Variants in ZFPM1 observed in about 807,000 individuals in gnomAD.
ZFPM1 encodes zinc finger protein ZFPM1.
Under a neutral mutation model 46.3 loss-of-function variants are expected in ZFPM1, and 28 were observed. That is an observed-to-expected ratio of 0.60 (90% confidence interval 0.45 to 0.83). The LOEUF (loss-of-function observed/expected upper bound fraction) is 0.83. Ranked by LOEUF, ZFPM1 falls within the 40% of genes least tolerant of loss-of-function variation. The pLI is 0.00. For synonymous variants in ZFPM1, 957 were observed against 675.9 expected (o/e 1.42, Z -6.45); for missense variants, 1,878 against 1,432.4 (o/e 1.31, Z -5.02).
intron 5 of ZFPM1, among the ~76,000 whole-genome samples, chr16:88,527,267 C>T (rs985710490): frequency 2.6e-5 from 4 of 152,200 alleles, no homozygotes; most frequent in African/African-American, 9.6e-5. Context: ...GCAGGGACCC[C>T]GACACCAGAC....
At chr16:88,492,228 A>C (rs1597247778) in intron 3 of ZFPM1, among the ~76,000 whole-genome samples, 3 of 146,488 alleles carry the variant, frequency 2.0e-5, no homozygotes, top group African/African-American at 5.1e-5. Context: ...TCTCTCCCTC[A>C]CCCGTCTCTG....
intron 1 of ZFPM1, among the ~76,000 whole-genome samples, chr16:88,481,704 C>T (rs1028447887): frequency 2.6e-5 from 4 of 152,238 alleles, no homozygotes; most frequent in East Asian, 3.9e-4. Context: ...ACCGCCCCTA[C>T]CTGCTGAGGT....
At chr16:88,517,317 AGTGGGTCGGTGG>A (rs1597269805) in intron 4 of ZFPM1, among the ~76,000 whole-genome samples, 1 of 93,152 alleles carries the variant, frequency 1.1e-5, no homozygotes, top group Non-Finnish European at 2.1e-5. Context: ...CAGATGGATG[AGTGGGTCGGTGG>A]GTGGGTAGGT....
intron 6 of ZFPM1, among the ~76,000 whole-genome samples, chr16:88,529,178 AGCG>A (rs1481610704): frequency 8.0e-6 from 1 of 124,688 alleles, no homozygotes; most frequent in East Asian, 4.4e-4. Context: ...GGCCAAGGAC[AGCG>A]CGTGGCCATC....
intron 5 of ZFPM1, among the ~76,000 whole-genome samples, chr16:88,527,154 T>G (rs1207881867): frequency 6.6e-6 from 1 of 151,938 alleles, no homozygotes; most frequent in Non-Finnish European, 1.5e-5. Context: ...CAGGTGTCCG[T>G]GGCGGGGGGG....
chr16:88,526,561 G>A (rs988509029), intron 4 of ZFPM1, among the ~76,000 whole-genome samples: 4 of 152,114 alleles, frequency 2.6e-5, no homozygotes, highest in Admixed American at 6.5e-5. Context: ...AGAACCCTGC[G>A]CCCAACCCTG....
In ZFPM1 at chr16:88,533,371, G is replaced by C; in HGVS notation, c.1413G>C (p.Glu471Asp). ...SIKVEAVEEPEAAPILGPGEP... is the reference protein window; with the variant it reads ...SIKVEAVEEPDAAPILGPGEP... Reference sequence around the variant, plus strand: ...AGGTGGAGGCGGTGGAGGAGCCGGAGGCGGCCCCCATCCTGGGCCCCGGAG... The same window carrying C: ...AGGTGGAGGCGGTGGAGGAGCCGGACGCGGCCCCCATCCTGGGCCCCGGAG... The change falls in exon 10 of 10, where the codon GAG (glutamate) becomes GAC (aspartate). Residue 471 changes from glutamate (E) to aspartate (D), a missense_variant. By Grantham distance (45) the Glu-to-Asp change is conservative. Coordinates refer to ENST00000319555, the MANE Select transcript of ZFPM1 (RefSeq NM_153813.3). 2.6e-6 allele frequency: 4 copies of C among 1,529,450 alleles called. No individual in the cohort carries two copies. Among genetic ancestry groups the C allele is most frequent in the Non-Finnish European group, 3.5e-6 (4 of 1,143,732 alleles). 94.7% of individuals were successfully genotyped at this position (1,529,450 alleles called of 1,614,324 possible). A position where few individuals can be genotyped will look rare whatever the true frequency, so the allele number is the denominator to read the frequency against.
At chr16:88,518,444 A>ATGG (rs1193828328) in intron 4 of ZFPM1, among the ~76,000 whole-genome samples, 14 of 143,356 alleles carry the variant, frequency 9.8e-5, no homozygotes, top group Admixed American at 8.2e-4. Context: ...GGATGCATGG[A>ATGG]TAGATGGATG....
rs79501052 is a variant in ZFPM1, at chr16:88,515,881, A to C, written c.402+1361A>C. 2.8e-4 allele frequency among the ~76,000 whole-genome samples: 42 copies of C among 152,256 alleles called. 1 individual carries two copies. The East Asian group carries it at 7.1e-3, about 26-fold the overall frequency. On this transcript the variant is annotated intron_variant, in intron 4 of 9. Coordinates refer to ENST00000319555, the MANE Select transcript of ZFPM1 (RefSeq NM_153813.3). The stretch of plus-strand genomic sequence containing the variant: ...CCTTCTGGGGTGCTGGGATGTGGGG[A>C]TCTTGGCAGGCATTTATGGTTGCCA...
intron 3 of ZFPM1, among the ~76,000 whole-genome samples, chr16:88,504,395 C>G (rs569503880): frequency 1.1e-4 from 17 of 152,128 alleles, no homozygotes; most frequent in Non-Finnish European, 2.2e-4. Context: ...CTACTAGGAC[C>G]TGGAGGCAAA....
At chr16:88,474,537 C>T (rs977499168) in intron 1 of ZFPM1, among the ~76,000 whole-genome samples, 1 of 152,232 alleles carries the variant, frequency 6.6e-6, no homozygotes, top group Non-Finnish European at 1.5e-5. Context: ...CGCCACCCGC[C>T]TCCTCCCATC....
chr16:88,455,583 C>A (rs1036185785), intron 1 of ZFPM1, among the ~76,000 whole-genome samples: 19 of 142,960 alleles, frequency 1.3e-4, no homozygotes, highest in African/African-American at 4.2e-4. Context: ...TGCGGCCGGG[C>A]CGCGAGTGCA....
At position 88,513,963 on chromosome 16, in the gene ZFPM1, G is replaced by C. The variant is rs564885884; in HGVS notation, c.269-424G>C. On this transcript the variant is annotated intron_variant, in intron 3 of 9. Transcript: ENST00000319555. ...TGATCTCAAGAGCCTTAATCTAATT[G>C]CATTTGCAAAGACCCTTTTTCCAAA... Among the ~76,000 whole-genome samples, 3 of 152,338 alleles carry C rather than the reference G, an allele frequency of 2.0e-5. No individual in the cohort carries two copies. The South Asian group carries it at 6.2e-4, about 32-fold the overall frequency.
rs557773382 is a variant in ZFPM1 at position 88,493,473 on chromosome 16, C to T, written c.268+4320C>T. 2.1e-4 allele frequency among the ~76,000 whole-genome samples: 28 copies of T among 132,210 alleles called. No homozygotes were observed. The South Asian group carries it at 3.4e-3, about 16-fold the overall frequency. 86.7% of individuals were successfully genotyped at this position (132,210 alleles called of 152,430 possible). On this transcript the variant is annotated intron_variant, in intron 3 of 9. Transcript: ENST00000319555. ...TGTCCCGGGCTGCGGGGAGCTGTCC[C>T]GGGGTGGGGAGAGCTGTCCCGGGGT...
At position 88,532,745 on chromosome 16, in the gene ZFPM1, C is replaced by T. The variant is rs775652044; in HGVS notation, c.1042+36C>T. On this transcript the variant is annotated intron_variant, in intron 8 of 9. Coordinates refer to ENST00000319555, the MANE Select transcript of ZFPM1 (RefSeq NM_153813.3). The stretch of plus-strand genomic sequence containing the variant: ...CAGGGGCCGGGGGGTGTGTGGGTCC[C>T]GCCTCCCCGCCCTGGGCCTTGACCA... 5.6e-6 allele frequency: 9 copies of T among 1,612,480 alleles called. No homozygotes were observed. The East Asian group carries it at 6.7e-5, about 12-fold the overall frequency.
rs1356839274 is a variant in ZFPM1, at chr16:88,453,331, C to T, written c.-308C>T. ...GCCGCCTGCTCCGCCGCTCGCCGCC[C>T]GCGGGTTCCATTGAGAAAAGCCGAG... On this transcript the variant is annotated 5_prime_UTR_variant, in exon 1 of 10. Coordinates refer to ENST00000319555, the MANE Select transcript of ZFPM1 (RefSeq NM_153813.3). The T allele has an allele frequency of 2.7e-5, 4 of 146,928 alleles. No homozygotes were observed. Among genetic ancestry groups the T allele is most frequent in the Non-Finnish European group, 4.5e-5 (3 of 66,024 alleles). The allele number at this position is 146,928 out of a possible 1,614,324, so 9.1% of individuals were successfully genotyped here.
Position 88,456,349 on chromosome 16 carries a change from G to C in ZFPM1, c.40+2671G>C, listed in dbSNP as rs142205831. ...CCCCTTGAATCATGCTGGTGTTGCT[G>C]GTAGTTCCTAGCAAGAACCAAGTGT... On this transcript the variant is annotated intron_variant, in intron 1 of 9. Coordinates refer to ENST00000319555, the MANE Select transcript of ZFPM1 (RefSeq NM_153813.3). Among the ~76,000 whole-genome samples the C allele has an allele frequency of 3.3e-5, 5 of 152,228 alleles. No homozygotes were observed. The East Asian group carries it at 9.6e-4, about 29-fold the overall frequency.
intron 1 of ZFPM1, among the ~76,000 whole-genome samples, chr16:88,476,014 C>T (rs1908666589): frequency 6.6e-6 from 1 of 151,978 alleles, no homozygotes; most frequent in South Asian, 2.1e-4. Context: ...TGCAGAACCC[C>T]CTCCCAATGC....
chr16:88,501,103 TGATGATGGAGATAGCAGACATGGATGCGG>T, intron 3 of ZFPM1, among the ~76,000 whole-genome samples: 1 of 141,702 alleles, frequency 7.1e-6, no homozygotes, highest in African/African-American at 2.9e-5. Flanking sequence ...CAGGTGCTGG[TGATGATGGAGATAGCAGACATGGATGCGG>T]GGGCCATCCC....
Sources: gnomAD v4.1 joint callset for allele counts (sites outside exome capture counted in the v4.1 genomes callset) on GRCh38, gnomAD v4.1.1 for gene constraint, MANE v1.5 for transcripts, NCBI Gene and HGNC (gene_info 2026-07-23, HGNC 2026-07-21) for gene names.